WNK3: variants seen among roughly 807,000 people sequenced by gnomAD.
WNK3 encodes the protein WNK lysine deficient protein kinase 3.
A neutral mutation model predicts 116.7 loss-of-function variants in WNK3; 18 were observed. That is an observed-to-expected ratio of 0.15 (90% CI 0.11 to 0.23). The LOEUF (loss-of-function observed/expected upper bound fraction) is 0.23. Ranked by LOEUF, WNK3 falls within the 10% of genes least tolerant of loss-of-function variation. The pLI is 1.00. For synonymous variants in WNK3, 404 were observed against 469.4 expected (o/e 0.86, Z 1.80); for missense variants, 993 against 1,323.8 (o/e 0.75, Z 3.88).
chrX:54,193,056 C>T (rs1655169831), exon 24 of WNK3: 1 of 109,879 alleles, frequency 9.1e-6, no homozygotes, highest in Non-Finnish European at 1.9e-5. Flanking sequence ...TTAAAATTAA[C>T]TTTAACAACA....
At chrX:54,289,863 T>C (rs2068620284) in intron 10 of WNK3, among the ~76,000 whole-genome samples, 1 of 111,793 alleles carries the variant, frequency 8.9e-6, no homozygotes, top group Admixed American at 9.6e-5. Flanking sequence ...GACTGGCATC[T>C]GGTGCTTTGG....
chrX:54,287,584 C>T (rs2068594406), intron 10 of WNK3, among the ~76,000 whole-genome samples: 1 of 111,951 alleles, frequency 8.9e-6, no homozygotes, highest in African/African-American at 3.2e-5. Flanking sequence ...GACAATCTTT[C>T]CCCATTAGAC....
intron 1 of WNK3, among the ~76,000 whole-genome samples, chrX:54,340,667 T>C (rs1237099171): frequency 9.2e-6 from 1 of 109,281 alleles, no homozygotes; most frequent in Non-Finnish European, 1.9e-5. Flanking sequence ...AATTTTAAAA[T>C]AGGCAAAAGA....
chrX:54,311,434 C>A, intron 2 of WNK3, 143 bp from the exon 3 acceptor site: 1 of 464,164 alleles, frequency 2.2e-6, no homozygotes, highest in Non-Finnish European at 3.6e-6. Context: ...TTTCTCAAGA[C>A]TTGTATCATC....
intron 2 of WNK3, among the ~76,000 whole-genome samples, chrX:54,314,172 G>A (rs1368346537): frequency 7.1e-4 from 65 of 91,310 alleles, no homozygotes; most frequent in Non-Finnish European, 1.2e-3. Context: ...CAGCCTGGGC[G>A]ACAGAGTGAG....
chrX:54,211,441 CAAA>C (rs1216024608), intron 22 of WNK3, among the ~76,000 whole-genome samples: 2 of 50,506 alleles, frequency 4.0e-5, no homozygotes, highest in East Asian at 7.0e-4. Flanking sequence ...GACTCTGTCT[CAAA>C]AAAAAAAAAA....
intron 20 of WNK3, among the ~76,000 whole-genome samples, chrX:54,233,747 G>A (rs1458090434): frequency 1.9e-5 from 2 of 107,581 alleles, no homozygotes; most frequent in African/African-American, 6.8e-5. Flanking sequence ...GGCTAAGGCA[G>A]GAGGATCGCT....
intron 2 of WNK3, among the ~76,000 whole-genome samples, chrX:54,323,631 ATGTAATAAAGGAG>A (rs2069063537): frequency 8.9e-6 from 1 of 112,141 alleles, no homozygotes; most frequent in Non-Finnish European, 1.9e-5. Flanking sequence ...AAAGAAAACT[ATGTAATAAAGGAG>A]TGGTATCCCT....
At chrX:54,297,782 A>C (rs1557166621) in intron 7 of WNK3, among the ~76,000 whole-genome samples, 1 of 111,381 alleles carries the variant, frequency 9.0e-6, no homozygotes, top group Admixed American at 9.6e-5. Flanking sequence ...ATTTAAAGAA[A>C]AAAGGAGAAG....
At chrX:54,240,376 CA>C (rs1371029763) in intron 17 of WNK3, among the ~76,000 whole-genome samples, 1 of 109,845 alleles carries the variant, frequency 9.1e-6, no homozygotes, top group Non-Finnish European at 1.9e-5. Flanking sequence ...AAATTGTAAG[CA>C]ATCAGTTTTT....
exon 24 of WNK3, chrX:54,198,520 A>C (rs782569664): frequency 8.3e-7 from 1 of 1,207,586 alleles, no homozygotes. Context: ...AACGTGAGGC[A>C]TTCCATATGA....
chrX:54,214,328 C>T (rs1378493352), intron 22 of WNK3, among the ~76,000 whole-genome samples: 1 of 111,063 alleles, frequency 9.0e-6, no homozygotes, highest in African/African-American at 3.3e-5. Context: ...AATCTCTGAG[C>T]CCAGATGGTT....
At chrX:54,245,520 T>C (rs915472992) in intron 17 of WNK3, among the ~76,000 whole-genome samples, 22 of 108,547 alleles carry the variant, frequency 2.0e-4, no homozygotes, top group African/African-American at 6.7e-4. Context: ...TACATACATA[T>C]ACACACACAC....
chrX:54,221,603 C>T (rs988834122), intron 22 of WNK3, among the ~76,000 whole-genome samples: 2 of 111,126 alleles, frequency 1.8e-5, no homozygotes, highest in Admixed American at 9.6e-5. Context: ...GAGGCCGAGG[C>T]GGGCGGATCA....
rs574030420 is a variant in WNK3, at chrX:54,210,254, G to A, written c.4871-8061C>T. Among the ~76,000 whole-genome samples, 37 of 111,921 alleles carry A rather than the reference G, an allele frequency of 3.3e-4. No homozygotes were observed. In the South Asian group the frequency reaches 0.013, roughly 41 times the overall value. On this transcript the variant is annotated intron_variant, in intron 22 of 23. Transcript: ENST00000354646. ...CTGTCTTTGTGAACTTGGCCTCCAT[G>A]AGTTATAAAAAGAAAAAGAAAATGA... is the stretch of plus-strand genomic sequence containing the variant.
At chrX:54,200,213 G>A (rs1392138879) in intron 23 of WNK3, among the ~76,000 whole-genome samples, 1 of 111,741 alleles carries the variant, frequency 8.9e-6, no homozygotes, top group Non-Finnish European at 1.9e-5. Context: ...ATTCGTATAT[G>A]CAATTCTGTT....
At position 54,228,713 on chromosome X, in the gene WNK3, C is replaced by T. The variant is rs782127636; in HGVS notation, c.4870+1G>A. 16 of 485,647 alleles carry T rather than the reference C, an allele frequency of 3.3e-5. No individual in the cohort carries two copies. Among genetic ancestry groups the T allele is most frequent in the Non-Finnish European group, 4.8e-5 (13 of 268,476 alleles). The allele number at this position is 485,647 out of a possible 1,213,427, so 40.0% of individuals were successfully genotyped here. ...AGTAAAGAAGCAAAAGAAATACTTA[C>T]TTTCCAACTCATTTATAAGGCAGCT... On this transcript the variant is annotated splice_donor_variant, in intron 22 of 23. Coordinates refer to ENST00000354646, the Ensembl canonical transcript of WNK3. LOFTEE classifies it high-confidence loss of function.
At position 54,299,636 on chromosome X, in the gene WNK3, G is replaced by A. The variant is rs148748281; in HGVS notation, c.1179-1242C>T. 2.7e-3 allele frequency among the ~76,000 whole-genome samples: 291 copies of A among 108,458 alleles called. 9 individuals carry two copies. In the East Asian group the frequency reaches 0.072, roughly 27 times the overall value. 94.2% of individuals were successfully genotyped at this position (108,458 alleles called of 115,157 possible). A position where few individuals can be genotyped will look rare whatever the true frequency, so the allele number is the denominator to read the frequency against. On this transcript the variant is annotated intron_variant, in intron 6 of 23. Coordinates refer to ENST00000354646, the Ensembl canonical transcript of WNK3. ...AAACGGGGTTTCACCATGTTGGCCAGGATGGTCTCAATCTCTTGATTTTGT... is the reference window on the plus strand; with the variant it reads ...AAACGGGGTTTCACCATGTTGGCCAAGATGGTCTCAATCTCTTGATTTTGT...
At chrX:54,302,699 TTCTCTCTCTCTCTC>T (rs782673409) in intron 5 of WNK3, among the ~76,000 whole-genome samples, 6 of 23,331 alleles carry the variant, frequency 2.6e-4, no homozygotes, top group Non-Finnish European at 4.4e-4. Flanking sequence ...AACATTCCAA[TTCTCTCTCTCTCTC>T]TCTCTCTCTC....
Sources: allele counts gnomAD v4.1 joint callset (sites outside exome capture counted in the v4.1 genomes callset), GRCh38; gene constraint gnomAD v4.1.1; transcripts MANE v1.5; gene names NCBI Gene and HGNC (gene_info 2026-07-23, HGNC 2026-07-21).